The following SLC36A1 variants were observed in gnomAD, a reference collection of about 807,000 sequenced individuals.
The protein encoded by SLC36A1 is proton-coupled amino acid transporter 1.
A neutral mutation model predicts 47.5 loss-of-function variants in SLC36A1; 30 were observed. The observed-to-expected ratio is 0.63, with a 90% CI of 0.47 to 0.86. The LOEUF (loss-of-function observed/expected upper bound fraction) is 0.86. SLC36A1 is among the 40% of genes least tolerant of loss of function. SLC36A1 has a pLI of 0.00. For missense variants in SLC36A1, 517 were observed against 606.0 expected (o/e 0.85, Z 1.54); for synonymous variants, 255 against 249.7 (o/e 1.02, Z -0.20).
At chr5:151,475,247 C>T (rs1240810384) in intron 8 of SLC36A1, among the ~76,000 whole-genome samples, 1 of 152,196 alleles carries the variant, frequency 6.6e-6, no homozygotes, top group Non-Finnish European at 1.5e-5. Flanking sequence ...GAAAGATGCC[C>T]AGAGACCTTA....
the SLC36A1 span, chr5:151,553,141 G>A: frequency 6.3e-7 from 1 of 1,590,434 alleles, no homozygotes; most frequent in Non-Finnish European, 8.6e-7. Flanking sequence ...AGGATGGGAG[G>A]GGTTGGCCCT....
chr5:151,473,349 A>AT (rs1297987026), intron 7 of SLC36A1, among the ~76,000 whole-genome samples: 1 of 151,704 alleles, frequency 6.6e-6, no homozygotes, highest in African/African-American at 2.4e-5. Context: ...TCATCTTTTG[A>AT]TTTTTTTTCT....
downstream of SLC36A1, among the ~76,000 whole-genome samples, chr5:151,494,008 C>G (rs1434269663): frequency 6.6e-6 from 1 of 152,154 alleles, no homozygotes; most frequent in Non-Finnish European, 1.5e-5. Flanking sequence ...CCACTCAATC[C>G]TCTTTTAGGT....
chr5:151,542,909 A>G, the SLC36A1 span: 3 of 1,614,168 alleles, frequency 1.9e-6, no homozygotes, highest in Non-Finnish European at 1.7e-6. Context: ...TCTAGGGAGA[A>G]GACACCATCC....
At chr5:151,346,749 C>T in the SLC36A1 span, among the ~76,000 whole-genome samples, 2 of 152,256 alleles carry the variant, frequency 1.3e-5, no homozygotes, top group South Asian at 4.1e-4. Flanking sequence ...AACCCCCACT[C>T]CCCACTCCCT....
chr5:151,514,153 A>C, the SLC36A1 span, among the ~76,000 whole-genome samples: 1 of 152,208 alleles, frequency 6.6e-6, no homozygotes, highest in Non-Finnish European at 1.5e-5. Context: ...AATACTACCT[A>C]TACCTTTATT....
the SLC36A1 span, among the ~76,000 whole-genome samples, chr5:151,429,881 T>C: frequency 0.97 from 148,430 of 152,312 alleles, 72,341 homozygotes; most frequent in Middle Eastern, 1. Context: ...GACCATTTTA[T>C]CTTCTTAGAA....
At chr5:151,469,928 C>G (rs1581160566) in intron 7 of SLC36A1, among the ~76,000 whole-genome samples, 2 of 152,074 alleles carry the variant, frequency 1.3e-5, no homozygotes. Context: ...GACAGTGGCT[C>G]ATAAAAAGCA....
At chr5:151,402,361 T>C in the SLC36A1 span, among the ~76,000 whole-genome samples, 1 of 152,184 alleles carries the variant, frequency 6.6e-6, no homozygotes, top group Admixed American at 6.5e-5. Context: ...TCCTGGTGAA[T>C]TAATCTTTGA....
the SLC36A1 span, among the ~76,000 whole-genome samples, chr5:151,345,175 C>T: frequency 6.6e-6 from 1 of 152,182 alleles, no homozygotes; most frequent in African/African-American, 2.4e-5. Context: ...GTACCTGTAC[C>T]AGGTTAAGTC....
At chr5:151,510,152 T>TG in the SLC36A1 span, 1 of 1,613,930 alleles carries the variant, frequency 6.2e-7, no homozygotes, top group Non-Finnish European at 8.5e-7. Context: ...CAGAGAACTG[T>TG]GGGGGACATT....
the SLC36A1 span, among the ~76,000 whole-genome samples, chr5:151,366,917 T>A: frequency 6.6e-6 from 1 of 152,088 alleles, no homozygotes; most frequent in Non-Finnish European, 1.5e-5. Flanking sequence ...GACCAGCAAG[T>A]TTTTATTAAG....
At chr5:151,428,290 G>A in the SLC36A1 span, among the ~76,000 whole-genome samples, 42 of 152,208 alleles carry the variant, frequency 2.8e-4, no homozygotes, top group Non-Finnish European at 1.8e-4. Context: ...CCTCCATGGT[G>A]TTGTCTCACT....
At chr5:151,394,182 C>T in the SLC36A1 span, among the ~76,000 whole-genome samples, 1 of 152,198 alleles carries the variant, frequency 6.6e-6, no homozygotes, top group African/African-American at 2.4e-5. Flanking sequence ...CCCTTTCTTC[C>T]AGTTGATTGA....
the SLC36A1 span, among the ~76,000 whole-genome samples, chr5:151,401,823 T>A: frequency 6.6e-6 from 1 of 152,240 alleles, no homozygotes; most frequent in African/African-American, 2.4e-5. Flanking sequence ...TTAAACATTA[T>A]CAATGTATAG....
intron 5 of SLC36A1, among the ~76,000 whole-genome samples, chr5:151,466,481 T>C (rs373615816): frequency 8.5e-4 from 129 of 152,302 alleles, no homozygotes; most frequent in Non-Finnish European, 1.6e-3. Flanking sequence ...ACACATTCTT[T>C]TTAACTGCTG....
At chr5:151,499,261 T>G in the SLC36A1 span, among the ~76,000 whole-genome samples, 1 of 152,228 alleles carries the variant, frequency 6.6e-6, no homozygotes, top group Admixed American at 6.5e-5. Context: ...GTGAAACAGC[T>G]GGTGCCCCTC....
intron 1 of SLC36A1, among the ~76,000 whole-genome samples, chr5:151,451,505 A>T (rs775875272): frequency 1.3e-5 from 2 of 152,220 alleles, no homozygotes; most frequent in Non-Finnish European, 2.9e-5. Context: ...CACAATCCAG[A>T]GTTTTAAATG....
chr5:151,519,259 G>A, the SLC36A1 span, among the ~76,000 whole-genome samples: 1 of 152,224 alleles, frequency 6.6e-6, no homozygotes, highest in Non-Finnish European at 1.5e-5. Flanking sequence ...CAGCAGACTT[G>A]CTTGAACCTG....
Sources: allele counts gnomAD v4.1 joint callset (sites outside exome capture counted in the v4.1 genomes callset), GRCh38; gene constraint gnomAD v4.1.1; transcripts MANE v1.5; gene names NCBI Gene and HGNC (gene_info 2026-07-23, HGNC 2026-07-21).